Variants in F5 observed in about 807,000 individuals in gnomAD.
The protein encoded by F5 is coagulation factor V, also known as activated protein c cofactor.
F5 carries 138 observed loss-of-function variants against 216.4 expected under a neutral mutation model. The observed-to-expected ratio is 0.64, with a 90% CI of 0.56 to 0.73. The LOEUF is 0.73. Among genes scored for constraint, F5 ranks in the 30% least tolerant of loss-of-function variants. The probability of loss-of-function intolerance (pLI) is 0.00; values close to 1 mark genes in which losing one functional copy is unlikely to be tolerated. For missense variants in F5, 2,403 were observed against 2,674.0 expected (o/e 0.90, Z 2.24); for synonymous variants, 916 against 930.7 (o/e 0.98, Z 0.29).
intron 17 of F5, 52 bp downstream of exon 17, chr1:169,527,863 C>G (rs112973215): frequency 1.9e-6 from 3 of 1,601,450 alleles, no homozygotes; most frequent in African/African-American, 1.3e-5. Flanking sequence ...TTACAGATTG[C>G]CTTTTCCCTG....
chr1:169,546,883 A>G (rs1387319670), intron 10 of F5, among the ~76,000 whole-genome samples: 3 of 151,614 alleles, frequency 2.0e-5, no homozygotes, highest in Non-Finnish European at 4.4e-5. Flanking sequence ...TAATACCAGC[A>G]CTTTGGGAGG....
At position 169,543,522 on chromosome 1, in the gene F5, A is replaced by G. The variant is rs191372881; in HGVS notation, c.1976-408T>C. On this transcript the variant is annotated intron_variant, in intron 12 of 24. Transcript: ENST00000367797. ...GAATCAAGAATAAAATGGACTTTTA[A>G]TATCATAAATATCCTAACAGCACAT... 8.5e-5 allele frequency among the ~76,000 whole-genome samples: 13 copies of G among 152,350 alleles called. No homozygotes were observed. The East Asian group carries it at 2.5e-3, about 29-fold the overall frequency.
intron 13 of F5, among the ~76,000 whole-genome samples, chr1:169,538,773 A>G (rs1188496201): frequency 6.6e-6 from 1 of 152,210 alleles, no homozygotes; most frequent in Non-Finnish European, 1.5e-5. Flanking sequence ...ACTGGTTGCC[A>G]GGGAATAAGG....
intron 11 of F5, among the ~76,000 whole-genome samples, chr1:169,545,790 A>T (rs1414314581): frequency 1.3e-5 from 2 of 152,196 alleles, no homozygotes; most frequent in Non-Finnish European, 2.9e-5. Context: ...GACTCTGAGG[A>T]TCAGTAGGGG....
At chr1:169,561,268 A>G (rs1660478517) in intron 3 of F5, among the ~76,000 whole-genome samples, 1 of 125,250 alleles carries the variant, frequency 8.0e-6, no homozygotes, top group African/African-American at 3.4e-5. Context: ...CATCTTAGCC[A>G]TCTGATTATC....
chr1:169,571,363 A>G (rs1299985590), intron 3 of F5, among the ~76,000 whole-genome samples: 4 of 152,160 alleles, frequency 2.6e-5, no homozygotes, highest in Admixed American at 6.6e-5. Flanking sequence ...CTTCATTTAA[A>G]TTTCAGGCAA....
At chr1:169,564,180 A>G (rs1246332217) in intron 3 of F5, among the ~76,000 whole-genome samples, 1 of 152,036 alleles carries the variant, frequency 6.6e-6, no homozygotes, top group Non-Finnish European at 1.5e-5. Flanking sequence ...GGCCCTGAGT[A>G]AGGTCCAGGG....
intron 3 of F5, among the ~76,000 whole-genome samples, chr1:169,567,694 A>G (rs1470632583): frequency 6.6e-6 from 1 of 152,102 alleles, no homozygotes; most frequent in African/African-American, 2.4e-5. Context: ...AATGATTAAT[A>G]TCATCATGAT....
Position 169,542,601 on chromosome 1 carries a change from G to T in F5, c.2489C>A (p.Pro830Gln). The T allele has an allele frequency of 6.2e-7, 1 of 1,614,028 alleles. No homozygotes were observed. The highest frequency in any genetic ancestry group is 8.5e-7 in the Non-Finnish European group (1 of 1,179,988). The change falls in exon 13 of 25, where the codon CCA (proline) becomes CAA (glutamine). Residue 830 changes from proline to glutamine, a missense_variant. Pro to Gln is a moderately conservative substitution (Grantham distance 76). Around this residue, in one of 4 missense-constraint regions of F5, gnomAD observed 1,425 missense variants for 1,554.8 expected, o/e 0.92. Coordinates refer to ENST00000367797, the MANE Select transcript of F5 (RefSeq NM_000130.5). Reference protein sequence around the residue: ...LNSSTAEHSSPYSEDPIEDPL... With the variant: ...LNSSTAEHSSQYSEDPIEDPL... Reference sequence around the variant, plus strand: ...ATCCTCTATAGGGTCTTCAGAATATGGGCTGGAATGCTCTGCTGTGGAAGA... The same window carrying T: ...ATCCTCTATAGGGTCTTCAGAATATTGGCTGGAATGCTCTGCTGTGGAAGA...
rs192016486 is a variant in F5, at chr1:169,527,438, T to A, written c.5599+477A>T. 5.7e-3 allele frequency among the ~76,000 whole-genome samples: 866 copies of A among 152,312 alleles called. 8 individuals carry two copies. Among genetic ancestry groups the A allele is most frequent in the African/African-American group, 0.02 (815 of 41,576 alleles). ...TTCTTTAACTTTTATTATTATTTTT[T>A]AAAAATGTTTTCCTCTTCAAACAGT... On this transcript the variant is annotated intron_variant, in intron 17 of 24. Coordinates refer to ENST00000367797, the MANE Select transcript of F5 (RefSeq NM_000130.5).
In F5 at chr1:169,572,340, A is replaced by C. The variant is rs146656273; in HGVS notation, c.254T>G (p.Leu85Arg). ...KEKPQSTISG[L>R]LGPTLYAEVG... ...TTCAGCATATAAAGTAGGCCCAAGA[A>C]GTCCTGTGAAAACAAATATTTAAAC... The change falls in exon 3 of 25, where the codon CTT (leucine) becomes CGT (arginine). Residue 85 changes from leucine to arginine, a missense_variant. Around this residue, in one of 4 missense-constraint regions of F5, gnomAD observed 1,425 missense variants for 1,554.8 expected, o/e 0.92. Coordinates refer to ENST00000367797, the MANE Select transcript of F5 (RefSeq NM_000130.5). 3.7e-6 allele frequency: 6 copies of C among 1,613,192 alleles called. No individual in the cohort carries two copies. Among genetic ancestry groups the C allele is most frequent in the Non-Finnish European group, 5.1e-6 (6 of 1,179,580 alleles).
intron 15 of F5, 25 bp from the exon 16 acceptor site, chr1:169,529,843 T>G (rs769284661): frequency 1.3e-5 from 20 of 1,586,120 alleles, no homozygotes; most frequent in Non-Finnish European, 1.3e-5. Context: ...TAAATTGTAT[T>G]GCCTCTTTCT....
At chr1:169,518,118 A>G (rs1208809019) in intron 23 of F5, among the ~76,000 whole-genome samples, 1 of 152,202 alleles carries the variant, frequency 6.6e-6, no homozygotes, top group Non-Finnish European at 1.5e-5. Flanking sequence ...TATGGCCCAC[A>G]AAGACTAAAA....
At chr1:169,521,263 C>A (rs1659297434) in intron 21 of F5, among the ~76,000 whole-genome samples, 1 of 152,152 alleles carries the variant, frequency 6.6e-6, no homozygotes, top group African/African-American at 2.4e-5. Context: ...AAGAGGCACC[C>A]TACACCCTCA....
intron 21 of F5, 77 bp downstream of exon 21, chr1:169,523,120 T>A: frequency 6.7e-7 from 1 of 1,503,746 alleles, no homozygotes; most frequent in Non-Finnish European, 9.3e-7. Flanking sequence ...TTAAAATACA[T>A]AATCATTAGG....
intron 15 of F5, 119 bp from the exon 16 acceptor site, chr1:169,529,937 T>A: frequency 1.3e-6 from 1 of 799,728 alleles, no homozygotes; most frequent in Non-Finnish European, 2.1e-6. Flanking sequence ...AAGATGAAGA[T>A]TATAAATGAA....
intron 4 of F5, among the ~76,000 whole-genome samples, chr1:169,559,922 G>A (rs1660429553): frequency 6.6e-6 from 1 of 152,134 alleles, no homozygotes; most frequent in Non-Finnish European, 1.5e-5. Flanking sequence ...GGCAGATGGT[G>A]AGTCCATCAC....
At chr1:169,537,413 T>C (rs1022452346) in intron 13 of F5, among the ~76,000 whole-genome samples, 8 of 152,172 alleles carry the variant, frequency 5.3e-5, no homozygotes, top group Non-Finnish European at 1.2e-4. Context: ...CTTAAGCTTC[T>C]TGACATTGGT....
At chr1:169,574,351 G>A (rs1660794958) in intron 2 of F5, among the ~76,000 whole-genome samples, 1 of 152,134 alleles carries the variant, frequency 6.6e-6, no homozygotes, top group Admixed American at 6.6e-5. Flanking sequence ...GGTGAAACTT[G>A]GGAATCTGGA....
Sources: gnomAD v4.1 joint callset for allele counts (sites outside exome capture counted in the v4.1 genomes callset) on GRCh38, gnomAD v4.1.1 for gene constraint, gnomAD v4.1.1 regional missense constraint, MANE v1.5 for transcripts, NCBI Gene and HGNC (gene_info 2026-07-23, HGNC 2026-07-21) for gene names.